Variants in CYP1B1 observed in about 807,000 individuals in gnomAD.
The protein encoded by CYP1B1 is cytochrome P450 family 1 subfamily B member 1.
Under a neutral mutation model 29.9 loss-of-function variants are expected in CYP1B1, and 22 were observed. The observed-to-expected ratio is 0.74, with a 90% confidence interval of 0.53 to 1.05. The LOEUF (loss-of-function observed/expected upper bound fraction) is 1.05. CYP1B1 is among the 50% of genes least tolerant of loss of function. CYP1B1 has a pLI of 0.00. For synonymous variants in CYP1B1, 375 were observed against 320.0 expected (o/e 1.17, Z -1.83); for missense variants, 883 against 746.9 (o/e 1.18, Z -2.12).
chr2:38,075,576 G>C (rs1431974573), intron 1 of CYP1B1, 187 bp from the exon 2 acceptor site: 1 of 634,014 alleles, frequency 1.6e-6, no homozygotes, highest in African/African-American at 1.8e-5. Flanking sequence ...GAAGAGAAGG[G>C]GCGTGTTTCC....
In CYP1B1 at chr2:38,069,137, C is replaced by A. The variant is rs1237754878; in HGVS notation, c.*1585G>T. The A allele has an allele frequency of 1.3e-5, 3 of 226,364 alleles. No homozygotes were observed. Among genetic ancestry groups the A allele is most frequent in the Non-Finnish European group, 2.6e-5 (3 of 113,794 alleles). 14.0% of individuals were successfully genotyped at this position (226,364 alleles called of 1,614,324 possible). A position where few individuals can be genotyped will look rare whatever the true frequency, so the allele number is the denominator to read the frequency against. Reference sequence around the variant, plus strand: ...ATTTCATTTGAGCTTTATGCTTTCCCAGCTACCAAAGTAATTGCCATCTTA... The same window carrying A: ...ATTTCATTTGAGCTTTATGCTTTCCAAGCTACCAAAGTAATTGCCATCTTA... On this transcript the variant is annotated 3_prime_UTR_variant, in exon 3 of 3. Transcript: ENST00000610745.
At chr2:38,072,380 T>C (rs892187784) in intron 2 of CYP1B1, among the ~76,000 whole-genome samples, 1 of 152,068 alleles carries the variant, frequency 6.6e-6, no homozygotes. Context: ...TACATAAAAT[T>C]AAAATAAAAA....
In CYP1B1 at chr2:38,074,878, G is replaced by A; in HGVS notation, c.511C>T (p.Leu171=). ...RSRQVLEGHV[L]SEARELVALL... is the part of the protein sequence containing the mutation. The stretch of plus-strand genomic sequence containing the variant: ...GCCACCAGCTCGCGCGCCTCGCTCA[G>A]CACGTGGCCCTCGAGGACTTGGCGG... The change falls in exon 2 of 3, where the codon CTG becomes TTG. Residue 171 remains leucine (L), a synonymous_variant. Transcript: ENST00000610745. The A allele has an allele frequency of 6.4e-7, 1 of 1,556,070 alleles. No homozygotes were observed. The highest frequency in any genetic ancestry group is 1.2e-5 in the South Asian group (1 of 84,992).
chr2:38,075,047 G>T lies in CYP1B1; in HGVS notation c.342C>A (p.Phe114Leu). 1.3e-6 allele frequency: 2 copies of T among 1,587,210 alleles called. No individual in the cohort carries two copies. Among genetic ancestry groups the T allele is most frequent in the Non-Finnish European group, 1.7e-6 (2 of 1,174,798 alleles). ...AGGAGGCGAAGGCCGGCCGGTCGGC[G>T]AAGGCCGAGCCCTGCTGCACCAGGG... The part of the protein sequence containing the change: ...HQALVQQGSA[F>L]ADRPAFASFR... The change falls in exon 2 of 3, where the codon TTC becomes TTA. Residue 114 changes from phenylalanine to leucine, a missense_variant. Transcript: ENST00000610745.
In CYP1B1 at chr2:38,070,517, A is replaced by AG; in HGVS notation, c.*204_*205insC. 1.7e-6 allele frequency: 1 copy of AG among 596,132 alleles called. No homozygotes were observed. The highest frequency in any genetic ancestry group is 3.0e-6 in the Non-Finnish European group (1 of 336,716). The allele number at this position is 596,132 out of a possible 1,614,324, so 36.9% of individuals were successfully genotyped here. A position where few individuals can be genotyped will look rare whatever the true frequency, so the allele number is the denominator to read the frequency against. ...GCCCTTTAAGTCTTTGACTCAAAAAAATCTCCCAGAAGCTCCTGCATAGCC... is the reference window on the plus strand; with the variant it reads ...GCCCTTTAAGTCTTTGACTCAAAAAAGATCTCCCAGAAGCTCCTGCATAGCC... On this transcript the variant is annotated 3_prime_UTR_variant, in exon 3 of 3. Transcript: ENST00000610745.
rs1168655861 is a variant in CYP1B1, at chr2:38,068,702, GT to G, written c.*2019del. The stretch of plus-strand genomic sequence containing the variant: ...AAATTTTAAAATAAAATTACATGAA[GT>G]TTTTTAATATTCCAAACCACAAAAC... On this transcript the variant is annotated 3_prime_UTR_variant, in exon 3 of 3. Coordinates refer to ENST00000610745, the MANE Select transcript of CYP1B1 (RefSeq NM_000104.4). 7 of 223,412 alleles carry G rather than the reference GT, an allele frequency of 3.1e-5. No homozygotes were observed. Among genetic ancestry groups the G allele is most frequent in the Non-Finnish European group, 6.3e-5 (7 of 111,566 alleles). 13.8% of individuals were successfully genotyped at this position (223,412 alleles called of 1,614,324 possible).
chr2:38,070,656 AC>A lies in CYP1B1; in HGVS notation c.*65del. 1 of 1,442,576 alleles carries A rather than the reference AC, an allele frequency of 6.9e-7. No individual in the cohort carries two copies. Among genetic ancestry groups the A allele is most frequent in the Non-Finnish European group, 9.8e-7 (1 of 1,025,048 alleles). The allele number at this position is 1,442,576 out of a possible 1,614,324, so 89.4% of individuals were successfully genotyped here. A position where few individuals can be genotyped will look rare whatever the true frequency, so the allele number is the denominator to read the frequency against. The stretch of plus-strand genomic sequence containing the variant: ...AGCACAAAAGAGGAACTGGAAAAAA[AC>A]TGAATTTTACTCCTCATCTCCGAAG... On this transcript the variant is annotated 3_prime_UTR_variant, in exon 3 of 3. Coordinates refer to ENST00000610745, the MANE Select transcript of CYP1B1 (RefSeq NM_000104.4).
chr2:38,075,719 C>G, intron 1 of CYP1B1, 61 bp downstream of exon 1: 1 of 437,950 alleles, frequency 2.3e-6, no homozygotes, highest in South Asian at 2.4e-5. Flanking sequence ...CCACGCCACC[C>G]GCTACCTGTA....
Position 38,075,070 on chromosome 2 carries a change from G to T in CYP1B1, c.319C>A (p.Leu107Met). 6.3e-7 allele frequency: 1 copy of T among 1,583,768 alleles called. No individual in the cohort carries two copies. Among genetic ancestry groups the T allele is most frequent in the Non-Finnish European group, 8.5e-7 (1 of 1,172,814 alleles). Residue 107 changes from leucine to methionine, a missense_variant, in exon 2 of 3, where the codon CTG (leucine) becomes ATG (methionine). Leu to Met is a conservative substitution (Grantham distance 15, BLOSUM62 2). Transcript: ENST00000610745. ...LNGERAIHQA[L>M]VQQGSAFADR... ...GCGAAGGCCGAGCCCTGCTGCACCA[G>T]GGCCTGGTGGATGGCGCGCTCGCCA...
Position 38,074,989 on chromosome 2 carries a change from A to C in CYP1B1, c.400T>G (p.Phe134Val). The C allele has an allele frequency of 6.3e-7, 1 of 1,588,916 alleles. No homozygotes were observed. Among genetic ancestry groups the C allele is most frequent in the Non-Finnish European group, 8.5e-7 (1 of 1,175,548 alleles). ...TTCCAGTGCTCCGAGTAGTGGCCGA[A>C]AGCCATGCTGCGGCCGCCGGACACC... ...RVVSGGRSMA[F>V]GHYSEHWKVQ... The change falls in exon 2 of 3, where the codon TTC (phenylalanine) becomes GTC (valine). Residue 134 changes from phenylalanine (F) to valine (V), a missense_variant. Physicochemically the swap from Phe to Val is conservative, Grantham distance 50. Coordinates refer to ENST00000610745, the MANE Select transcript of CYP1B1 (RefSeq NM_000104.4).
chr2:38,075,514 G>A, intron 1 of CYP1B1, 125 bp from the exon 2 acceptor site: 1 of 970,968 alleles, frequency 1.0e-6, no homozygotes, highest in Non-Finnish European at 1.6e-6. Flanking sequence ...CTGACTCTCT[G>A]GAGAAATGGC....
chr2:38,074,839 C>T lies in CYP1B1; in HGVS notation c.550G>A (p.Gly184Ser). Residue 184 changes from glycine to serine, a missense_variant, in exon 2 of 3, where the codon GGC (glycine) becomes AGC (serine). Coordinates refer to ENST00000610745, the MANE Select transcript of CYP1B1 (RefSeq NM_000104.4). ...TCGAGGAAGGCGCCGTCCGCGCTGC[C>T]GCGCACCAGCAGCGCCACCAGCTCG... The part of the protein sequence containing the change: ...ARELVALLVR[G>S]SADGAFLDPR... 6.4e-7 allele frequency: 1 copy of T among 1,565,200 alleles called. No homozygotes were observed. The highest frequency in any genetic ancestry group is 8.7e-7 in the Non-Finnish European group (1 of 1,155,682).
Position 38,074,637 on chromosome 2 carries a change from G to C in CYP1B1, c.752C>G (p.Pro251Arg). 1.9e-6 allele frequency: 3 copies of C among 1,613,570 alleles called. No individual in the cohort carries two copies. The East Asian group carries it at 6.7e-5, about 36-fold the overall frequency. The change falls in exon 2 of 3, where the codon CCC becomes CGC. Residue 251 changes from proline (P) to arginine (R), a missense_variant. Transcript: ENST00000610745. ...VDVMPWLQYF[P>R]NPVRTVFREF... ...GCGGAAAACGGTGCGCACCGGGTTGGGGAAGTACTGCAGCCAGGGCATCAC... is the reference window on the plus strand; with the variant it reads ...GCGGAAAACGGTGCGCACCGGGTTGCGGAAGTACTGCAGCCAGGGCATCAC...
Position 38,075,081 on chromosome 2 carries a change from A to C in CYP1B1, c.308T>G (p.Ile103Ser), listed in dbSNP as rs1215730159. 6.3e-7 allele frequency: 1 copy of C among 1,581,748 alleles called. No individual in the cohort carries two copies. The highest frequency in any genetic ancestry group is 8.5e-7 in the Non-Finnish European group (1 of 1,171,700). Residue 103 changes from isoleucine to serine, a missense_variant, in exon 2 of 3, where the codon ATC becomes AGC. Physicochemically the swap from Ile to Ser is moderately radical, Grantham distance 142. Coordinates refer to ENST00000610745, the MANE Select transcript of CYP1B1 (RefSeq NM_000104.4). The stretch of plus-strand genomic sequence containing the variant: ...GCCCTGCTGCACCAGGGCCTGGTGG[A>C]TGGCGCGCTCGCCATTCAGCACCAC... ...PIVVLNGERAIHQALVQQGSA... is the reference protein window; with the variant it reads ...PIVVLNGERASHQALVQQGSA...
At position 38,067,900 on chromosome 2, in the gene CYP1B1, T is replaced by G. The variant is rs571561284; in HGVS notation, c.*2822A>C. On this transcript the variant is annotated 3_prime_UTR_variant, in exon 3 of 3. Coordinates refer to ENST00000610745, the MANE Select transcript of CYP1B1 (RefSeq NM_000104.4). ...GTGTCACAGCTAAAAACACACAAAT[T>G]AACATATACTGCTATGCAACTATTT... The G allele has an allele frequency of 5.3e-6, 1 of 189,682 alleles. No individual in the cohort carries two copies. The highest frequency in any genetic ancestry group is 8.5e-5 in the East Asian group (1 of 11,790). 11.7% of individuals were successfully genotyped at this position (189,682 alleles called of 1,614,324 possible). A position where few individuals can be genotyped will look rare whatever the true frequency, so the allele number is the denominator to read the frequency against.
At position 38,068,739 on chromosome 2, in the gene CYP1B1, T is replaced by C. The variant is rs1369630503; in HGVS notation, c.*1983A>G. The C allele has an allele frequency of 1.3e-5, 3 of 223,856 alleles. No individual in the cohort carries two copies. The highest frequency in any genetic ancestry group is 6.7e-5 in the African/African-American group (3 of 44,824). The allele number at this position is 223,856 out of a possible 1,614,324, so 13.9% of individuals were successfully genotyped here. Reference sequence around the variant, plus strand: ...TCCAAACCACAAAACAGATCTGCTATGTTGTAGACTTTTTTAATAGCCTAT... The same window carrying C: ...TCCAAACCACAAAACAGATCTGCTACGTTGTAGACTTTTTTAATAGCCTAT... On this transcript the variant is annotated 3_prime_UTR_variant, in exon 3 of 3. Transcript: ENST00000610745.
chr2:38,070,530 C>T lies in CYP1B1; in HGVS notation c.*192G>A. 2 of 606,406 alleles carry T rather than the reference C, an allele frequency of 3.3e-6. No homozygotes were observed. The highest frequency in any genetic ancestry group is 1.8e-5 in the African/African-American group (1 of 54,056). The allele number at this position is 606,406 out of a possible 1,614,324, so 37.6% of individuals were successfully genotyped here. On this transcript the variant is annotated 3_prime_UTR_variant, in exon 3 of 3. Coordinates refer to ENST00000610745, the MANE Select transcript of CYP1B1 (RefSeq NM_000104.4). ...TTGACTCAAAAAAATCTCCCAGAAG[C>T]TCCTGCATAGCCCACTACTCATGAA...
rs1682346080 is a variant in CYP1B1 at position 38,068,052 on chromosome 2, G to A, written c.*2670C>T. The A allele has an allele frequency of 5.0e-6, 1 of 201,462 alleles. No homozygotes were observed. The highest frequency in any genetic ancestry group is 1.9e-4 in the South Asian group (1 of 5,230). The allele number at this position is 201,462 out of a possible 1,614,324, so 12.5% of individuals were successfully genotyped here. ...CAAACCTGAGACATCTTTTTGTTTT[G>A]GAAAAAAGCAATTTGCTTATAGAGT... On this transcript the variant is annotated 3_prime_UTR_variant, in exon 3 of 3. Transcript: ENST00000610745.
At position 38,074,592 on chromosome 2, in the gene CYP1B1, C is replaced by T. The variant is rs9341250; in HGVS notation, c.797G>A (p.Arg266His). The T allele has an allele frequency of 1.9e-6, 3 of 1,612,528 alleles. No homozygotes were observed. Among genetic ancestry groups the T allele is most frequent in the African/African-American group, 2.7e-5 (2 of 74,934 alleles). The change falls in exon 2 of 3, where the codon CGC (arginine) becomes CAC (histidine). Residue 266 changes from arginine (R) to histidine (H), a missense_variant. By Grantham distance (29) the Arg-to-His change is conservative. Transcript: ENST00000610745. The part of the protein sequence containing the change: ...TVFREFEQLN[R>H]NFSNFILDKF... Reference sequence around the variant, plus strand: ...GTCCAGGATGAAGTTGCTGAAGTTGCGGTTGAGCTGCTCGAATTCGCGGAA... The same window carrying T: ...GTCCAGGATGAAGTTGCTGAAGTTGTGGTTGAGCTGCTCGAATTCGCGGAA...
Sources: gnomAD v4.1 joint callset for allele counts (sites outside exome capture counted in the v4.1 genomes callset) on GRCh38, gnomAD v4.1.1 for gene constraint, MANE v1.5 for transcripts, NCBI Gene and HGNC (gene_info 2026-07-23, HGNC 2026-07-21) for gene names.